The following PLCE1 variants were observed in gnomAD, a reference collection of about 807,000 sequenced individuals.
The protein encoded by PLCE1 is 1-phosphatidylinositol 4,5-bisphosphate phosphodiesterase epsilon-1.
In PLCE1, 119 loss-of-function variants were observed where a neutral mutation model predicts 242.8. That is an observed-to-expected ratio of 0.49 (90% CI 0.42 to 0.57). The LOEUF (loss-of-function observed/expected upper bound fraction) is 0.57, where lower values mean the gene tolerates loss of function less well. PLCE1 is among the 20% of genes least tolerant of loss of function. The probability of loss-of-function intolerance (pLI) is 0.00; values close to 1 mark genes in which losing one functional copy is unlikely to be tolerated. For missense variants in PLCE1, 2,441 were observed against 2,788.8 expected (o/e 0.88, Z 2.81); for synonymous variants, 945 against 1,017.4 (o/e 0.93, Z 1.35).
intron 4 of PLCE1, among the ~76,000 whole-genome samples, chr10:94,188,658 C>T (rs890153419): frequency 2.0e-5 from 3 of 152,144 alleles, no homozygotes; most frequent in Admixed American, 1.3e-4. Flanking sequence ...CAGGCTGGAG[C>T]GCAATGGCAC....
chr10:94,235,089 C>CACACACACACACAT (rs1267994594), intron 6 of PLCE1, among the ~76,000 whole-genome samples: 1 of 151,478 alleles, frequency 6.6e-6, no homozygotes, highest in African/African-American at 2.4e-5. Flanking sequence ...CACACACACA[C>CACACACACACACAT]ACACACACAC....
intron 23 of PLCE1, among the ~76,000 whole-genome samples, chr10:94,295,008 C>A (rs1475537387): frequency 6.6e-6 from 1 of 151,064 alleles, no homozygotes; most frequent in Non-Finnish European, 1.5e-5. Context: ...CTCCACCTCC[C>A]GGGTTCACGC....
rs570770009 is a variant in PLCE1, at chr10:94,106,765, G to A, written c.1207-25409G>A. On this transcript the variant is annotated intron_variant, in intron 2 of 32. Transcript: ENST00000371380. The stretch of plus-strand genomic sequence containing the variant: ...GAATGCTTCCTTCTTAACCGTTCCA[G>A]TCCTCTCCTCTCTGGGAGCTCATAT... Among the ~76,000 whole-genome samples, 50 of 151,922 alleles carry A rather than the reference G, an allele frequency of 3.3e-4. 1 individual carries two copies. Among genetic ancestry groups the A allele is most frequent in the African/African-American group, 1.1e-3 (47 of 41,424 alleles).
chr10:94,107,571 G>T (rs1157125015), intron 2 of PLCE1: 2 of 152,158 alleles, frequency 1.3e-5, no homozygotes, highest in Non-Finnish European at 2.9e-5. Flanking sequence ...CTAGTAAACA[G>T]TGGACTCTGT....
At chr10:94,078,398 C>T (rs1460811031) in intron 2 of PLCE1, among the ~76,000 whole-genome samples, 1 of 152,130 alleles carries the variant, frequency 6.6e-6, no homozygotes, top group Non-Finnish European at 1.5e-5. Context: ...AGAAAAATTG[C>T]ATGTTTTCAG....
intron 2 of PLCE1, among the ~76,000 whole-genome samples, chr10:94,102,525 T>A (rs970634814): frequency 2.0e-5 from 3 of 152,264 alleles, no homozygotes; most frequent in African/African-American, 7.2e-5. Context: ...GTGTCTGCCA[T>A]CTGCCTCCTG....
chr10:94,111,566 A>G (rs1461248843), intron 2 of PLCE1, among the ~76,000 whole-genome samples: 4 of 152,120 alleles, frequency 2.6e-5, no homozygotes, highest in Admixed American at 1.3e-4. Context: ...GAGTTGGAAG[A>G]GTGGGTGGCT....
chr10:94,200,826 G>T (rs189071561), intron 4 of PLCE1, among the ~76,000 whole-genome samples: 1 of 152,160 alleles, frequency 6.6e-6, no homozygotes, highest in African/African-American at 2.4e-5. Context: ...GACCTCCGTG[G>T]TCTTCCTCCC....
chr10:94,248,136 T>C (rs1363576502), intron 8 of PLCE1, among the ~76,000 whole-genome samples: 1 of 152,138 alleles, frequency 6.6e-6, no homozygotes, highest in South Asian at 2.1e-4. Flanking sequence ...ACAAGGCACA[T>C]GTAATGCCCC....
At chr10:94,147,785 C>T (rs538687681) in intron 3 of PLCE1, among the ~76,000 whole-genome samples, 3 of 152,190 alleles carry the variant, frequency 2.0e-5, no homozygotes, top group Non-Finnish European at 4.4e-5. Flanking sequence ...GGAGCTCTTA[C>T]CCTGCCTCTA....
At position 94,222,177 on chromosome 10, in the gene PLCE1, T is replaced by C. The variant is rs532045584; in HGVS notation, c.1810-5129T>C. 5.6e-4 allele frequency among the ~76,000 whole-genome samples: 85 copies of C among 151,996 alleles called. 2 individuals carry two copies. The South Asian group carries it at 0.018, about 32-fold the overall frequency. ...TGTGAAAGAGTCAGGCACACAAATA[T>C]AACAAAAATAAACCAGAGGCAGATC... is the stretch of plus-strand genomic sequence containing the variant. On this transcript the variant is annotated intron_variant, in intron 4 of 32. Transcript: ENST00000371380.
rs114297779 is a variant in PLCE1, at chr10:94,154,925, T to C, written c.1493-16255T>C. Reference sequence around the variant, plus strand: ...ATATATATATATTTATTTAAAACTATAAGGTACCACTTCACCCACTAGGAT... The same window carrying C: ...ATATATATATATTTATTTAAAACTACAAGGTACCACTTCACCCACTAGGAT... On this transcript the variant is annotated intron_variant, in intron 3 of 32. Coordinates refer to ENST00000371380, the MANE Select transcript of PLCE1 (RefSeq NM_016341.4). Among the ~76,000 whole-genome samples the C allele has an allele frequency of 5.5e-3, 799 of 144,766 alleles. 6 individuals carry two copies. The highest frequency in any genetic ancestry group is 0.019 in the African/African-American group (755 of 40,250). The allele number at this position is 144,766 out of a possible 152,430, so 95.0% of individuals were successfully genotyped here.
chr10:94,274,006 C>T (rs1013499284), intron 19 of PLCE1, among the ~76,000 whole-genome samples: 2 of 152,162 alleles, frequency 1.3e-5, no homozygotes, highest in East Asian at 3.8e-4. Flanking sequence ...TGAAACTGAG[C>T]TTAGGGGGTT....
intron 2 of PLCE1, among the ~76,000 whole-genome samples, chr10:94,100,860 AG>A (rs1365642909): frequency 6.6e-6 from 1 of 152,180 alleles, no homozygotes; most frequent in African/African-American, 2.4e-5. Context: ...AAGTTTCTGC[AG>A]GGGCCACAGG....
At chr10:94,322,737 A>T (rs1414304111) in intron 30 of PLCE1, among the ~76,000 whole-genome samples, 1 of 152,052 alleles carries the variant, frequency 6.6e-6, no homozygotes, top group African/African-American at 2.4e-5. Flanking sequence ...GTGAGCCGAG[A>T]TCATGCCATT....
chr10:94,211,264 G>A (rs965458484), intron 4 of PLCE1, among the ~76,000 whole-genome samples: 7 of 152,198 alleles, frequency 4.6e-5, no homozygotes, highest in Admixed American at 2.0e-4. Context: ...TCTTCACCCA[G>A]TAAGCCTGCC....
At chr10:94,220,942 C>T (rs1012021849) in intron 4 of PLCE1, among the ~76,000 whole-genome samples, 1 of 152,208 alleles carries the variant, frequency 6.6e-6, no homozygotes, top group Admixed American at 6.5e-5. Flanking sequence ...CTGCCTCCCT[C>T]CAGCTTCCCC....
intron 3 of PLCE1, among the ~76,000 whole-genome samples, chr10:94,150,860 C>T (rs988601719): frequency 1.3e-5 from 2 of 152,130 alleles, no homozygotes; most frequent in African/African-American, 4.8e-5. Flanking sequence ...AGTGAAGGTG[C>T]CCAGGACTCT....
rs199939831 is a variant in PLCE1 at position 94,298,416 on chromosome 10, T to A, written c.5205T>A (p.Ser1735=). Residue 1735 remains serine (S), a synonymous_variant, in exon 24 of 33, where the codon TCT becomes TCA. Coordinates refer to ENST00000371380, the MANE Select transcript of PLCE1 (RefSeq NM_016341.4). The surrounding 1 kb of genome is among the most constrained non-coding windows in gnomAD (Gnocchi z 5.2). ...GCATTCGACAGACCTGGGAGGAATCTTCTTCCCCTCTCAACCCAACCACGT... is the reference window on the plus strand; with the variant it reads ...GCATTCGACAGACCTGGGAGGAATCATCTTCCCCTCTCAACCCAACCACGT... ...CEGIRQTWEE[S]SSPLNPTTSL... 6.2e-7 allele frequency: 1 copy of A among 1,614,178 alleles called. No homozygotes were observed. Among genetic ancestry groups the A allele is most frequent in the Admixed American group, 1.7e-5 (1 of 60,012 alleles).
Sources: allele counts gnomAD v4.1 joint callset (sites outside exome capture counted in the v4.1 genomes callset), GRCh38; gene constraint gnomAD v4.1.1; non-coding constraint Gnocchi (gnomAD v3.1); transcripts MANE v1.5; gene names NCBI Gene and HGNC (gene_info 2026-07-23, HGNC 2026-07-21).